The following DIP2A variants were observed in gnomAD, a reference collection of about 807,000 sequenced individuals.
The protein encoded by DIP2A is disco-interacting protein 2 homolog A.
DIP2A carries 85 observed loss-of-function variants against 177.4 expected under a neutral mutation model. The ratio of observed to expected loss-of-function variants is 0.48; its 90% CI spans 0.40 to 0.57. The LOEUF (loss-of-function observed/expected upper bound fraction) is 0.57. Among genes scored for constraint, DIP2A ranks in the 20% least tolerant of loss-of-function variants. The pLI is 0.00. For synonymous variants in DIP2A, 886 were observed against 881.8 expected (o/e 1.00, Z -0.08); for missense variants, 1,791 against 2,100.2 (o/e 0.85, Z 2.88).
chr21:46,466,342 C>CTTTTTTTTT (rs71187318), intron 1 of DIP2A, among the ~76,000 whole-genome samples: 1 of 89,572 alleles, frequency 1.1e-5, no homozygotes, highest in African/African-American at 4.3e-5. Flanking sequence ...TACATTATAA[C>CTTTTTTTTT]TTTTTTTTTT....
intron 1 of DIP2A, among the ~76,000 whole-genome samples, chr21:46,473,642 A>G (rs978851661): frequency 6.6e-6 from 1 of 151,968 alleles, no homozygotes; most frequent in Non-Finnish European, 1.5e-5. Flanking sequence ...CAGCCTCCCA[A>G]ATAGTTGGGA....
the DIP2A span, among the ~76,000 whole-genome samples, chr21:46,577,666 G>A: frequency 6.6e-6 from 1 of 151,950 alleles, no homozygotes; most frequent in Non-Finnish European, 1.5e-5. Flanking sequence ...CTAATTATGT[G>A]AAGAATGTCA....
chr21:46,469,848 C>T lies in DIP2A; in HGVS notation c.91+10626C>T, dbSNP rs570592030. 3.9e-5 allele frequency among the ~76,000 whole-genome samples: 6 copies of T among 152,224 alleles called. No homozygotes were observed. The South Asian group carries it at 6.2e-4, about 16-fold the overall frequency. ...TTTTCCCACATAAATCTCCCTTTCA[C>T]GTAGTGTGTCCTCAGTGAGCATTAG... On this transcript the variant is annotated intron_variant, in intron 1 of 37. Transcript: ENST00000417564.
chr21:46,508,697 C>T (rs1220145743), intron 6 of DIP2A, among the ~76,000 whole-genome samples: 2 of 151,872 alleles, frequency 1.3e-5, no homozygotes, highest in African/African-American at 4.8e-5. Flanking sequence ...CTGAAAGGGA[C>T]TTGGATGCCC....
downstream of DIP2A, among the ~76,000 whole-genome samples, chr21:46,572,392 T>TACTC (rs112047011): frequency 0.13 from 20,264 of 152,076 alleles, 1,894 homozygotes; most frequent in African/African-American, 0.27. Flanking sequence ...ATTCACCACT[T>TACTC]ACACCCAAAA....
rs547082792 is a variant in DIP2A at position 46,501,835 on chromosome 21, G to A, written c.656-2526G>A. Among the ~76,000 whole-genome samples, 3 of 152,180 alleles carry A rather than the reference G, an allele frequency of 2.0e-5. No homozygotes were observed. In the South Asian group the frequency reaches 6.2e-4, roughly 32 times the overall value. On this transcript the variant is annotated intron_variant, in intron 5 of 37. Transcript: ENST00000417564. ...TATTCTTTTTGCTAGATTTGGAAGA[G>A]TGGGGAAATTTCTTTTTAAACTAAA...
rs1434407633 is a variant in DIP2A at position 46,498,711 on chromosome 21, C to T, written c.533C>T (p.Ser178Phe). 1 of 1,613,960 alleles carries T rather than the reference C, an allele frequency of 6.2e-7. No individual in the cohort carries two copies. The highest frequency in any genetic ancestry group is 1.7e-5 in the Admixed American group (1 of 60,030). The stretch of plus-strand genomic sequence containing the variant: ...GTCATTCAGGGCTCGTCCACCTCAT[C>T]CTCTGCATCCTCCACCTCATCTCAC... Reference protein sequence around the residue: ...DRVIQGSSTSSSASSTSSHPG... With the variant: ...DRVIQGSSTSFSASSTSSHPG... Residue 178 changes from serine (S) to phenylalanine (F), a missense_variant, in exon 5 of 38, where the codon TCC becomes TTC. Ser to Phe is a radical substitution (Grantham distance 155). Coordinates refer to ENST00000417564, the MANE Select transcript of DIP2A (RefSeq NM_015151.4). This position sits in a 1 kb window ranked among gnomAD's most constrained non-coding sequence, Gnocchi z 4.3.
intron 8 of DIP2A, among the ~76,000 whole-genome samples, chr21:46,523,580 T>G (rs141220336): frequency 5.2e-4 from 66 of 126,110 alleles, no homozygotes; most frequent in African/African-American, 2.0e-3. Context: ...TTTAAATCTC[T>G]TATTACCCAA....
Position 46,495,844 on chromosome 21 carries a change from C to T in DIP2A, c.284-1144C>T, listed in dbSNP as rs144011614. 6.5e-4 allele frequency among the ~76,000 whole-genome samples: 99 copies of T among 152,034 alleles called. 1 individual carries two copies. In the East Asian group the frequency reaches 0.018, roughly 27 times the overall value. On this transcript the variant is annotated intron_variant, in intron 3 of 37. Transcript: ENST00000417564. ...ATCCCAGCACTTACAGAGGCCAAGG[C>T]GGGCGGATCACCATGTCAGGAGTTC...
chr21:46,512,795 T>C (rs1295946614), intron 8 of DIP2A, among the ~76,000 whole-genome samples: 1 of 140,798 alleles, frequency 7.1e-6, no homozygotes, highest in Admixed American at 7.3e-5. Context: ...CACACCCAGC[T>C]AATTTAAAAA....
intron 3 of DIP2A, among the ~76,000 whole-genome samples, chr21:46,493,262 T>C (rs1432219767): frequency 1.3e-5 from 2 of 152,232 alleles, no homozygotes; most frequent in Non-Finnish European, 2.9e-5. Context: ...TCTGTTGATA[T>C]ACCCTATCAG....
At chr21:46,508,951 G>A (rs1417088441) in intron 6 of DIP2A, among the ~76,000 whole-genome samples, 3 of 151,982 alleles carry the variant, frequency 2.0e-5, no homozygotes, top group East Asian at 1.9e-4. Context: ...CCCAGGAGGC[G>A]GAGATTGCAG....
chr21:46,470,436 T>G (rs2148315206), intron 1 of DIP2A, among the ~76,000 whole-genome samples: 1 of 146,442 alleles, frequency 6.8e-6, no homozygotes. Context: ...ATCGTGCCAT[T>G]GCACTCCAGT....
At chr21:46,473,538 CAGA>C (rs958175051) in intron 1 of DIP2A, among the ~76,000 whole-genome samples, 3 of 151,758 alleles carry the variant, frequency 2.0e-5, no homozygotes, top group Non-Finnish European at 4.4e-5. Flanking sequence ...ATTTTGGAGA[CAGA>C]GTCTTGCTCT....
At position 46,557,770 on chromosome 21, in the gene DIP2A, G is replaced by A. The variant is rs759997142; in HGVS notation, c.3798+17G>A. 4.4e-5 allele frequency: 71 copies of A among 1,595,928 alleles called. No homozygotes were observed. Among genetic ancestry groups the A allele is most frequent in the East Asian group, 4.3e-4 (19 of 44,260 alleles). ...GTCCTCAGGGTGAGTGCCCAGACCC[G>A]GGCTTCTGAGTGTGCTGCAGACCAC... On this transcript the variant is annotated intron_variant, in intron 31 of 37. Coordinates refer to ENST00000417564, the MANE Select transcript of DIP2A (RefSeq NM_015151.4). The surrounding 1 kb of genome is among the most constrained non-coding windows in gnomAD (Gnocchi z 6.0).
chr21:46,557,153 TG>T lies in DIP2A; in HGVS notation c.3629+87del. 6.9e-7 allele frequency: 1 copy of T among 1,451,922 alleles called. No individual in the cohort carries two copies. Among genetic ancestry groups the T allele is most frequent in the Non-Finnish European group, 9.2e-7 (1 of 1,085,994 alleles). The allele number at this position is 1,451,922 out of a possible 1,614,324, so 89.9% of individuals were successfully genotyped here. On this transcript the variant is annotated intron_variant, in intron 30 of 37. Transcript: ENST00000417564. The surrounding 1 kb of genome is among the most constrained non-coding windows in gnomAD (Gnocchi z 6.0). ...CCTTGGCCTTCTAAGGCACCTTTTC[TG>T]GGTGCTCAGGAAGCCGATGAGATGT...
chr21:46,554,786 G>GGGGGGGGGGGGCCCCCCCCCCCCCCC, intron 27 of DIP2A, 36 bp from the exon 28 acceptor site: 1 of 1,519,110 alleles, frequency 6.6e-7, no homozygotes, highest in Non-Finnish European at 8.8e-7. Context: ...AGCTTGAGAG[G>GGGGGGGGGGGGCCCCCCCCCCCCCCC]CCCCGCCCAC....
At chr21:46,477,795 G>A (rs887079281) in intron 1 of DIP2A, among the ~76,000 whole-genome samples, 1 of 151,768 alleles carries the variant, frequency 6.6e-6, no homozygotes, top group Admixed American at 6.6e-5. Flanking sequence ...TGTTGGCCAG[G>A]CTGGTCACGA....
chr21:46,524,853 T>G (rs559066839), intron 8 of DIP2A, among the ~76,000 whole-genome samples: 1 of 150,694 alleles, frequency 6.6e-6, no homozygotes, highest in Non-Finnish European at 1.5e-5. Flanking sequence ...TTCTTTTCTT[T>G]TATGATTTTT....
Sources: gnomAD v4.1 joint callset for allele counts (sites outside exome capture counted in the v4.1 genomes callset) on GRCh38, gnomAD v4.1.1 for gene constraint, Gnocchi (gnomAD v3.1) non-coding constraint, MANE v1.5 for transcripts, NCBI Gene and HGNC (gene_info 2026-07-23, HGNC 2026-07-21) for gene names.